Variants in MAP4 observed in about 807,000 individuals in gnomAD.
MAP4 encodes the protein microtubule associated protein 4.
In MAP4, 76 loss-of-function variants were observed where a neutral mutation model predicts 170.2. That is an observed-to-expected ratio of 0.45 (90% confidence interval 0.37 to 0.54). MAP4 has a LOEUF of 0.54. Among genes scored for constraint, MAP4 ranks in the 20% least tolerant of loss-of-function variants. The probability of loss-of-function intolerance (pLI) is 0.00; values close to 1 mark genes in which losing one functional copy is unlikely to be tolerated. For synonymous variants in MAP4, 909 were observed against 994.5 expected, an observed-to-expected ratio of 0.91 and a Z score of 1.62; for missense variants, 2,506 against 2,748.0, an observed-to-expected ratio of 0.91 and a Z score of 1.97.
chr3:47,923,894 T>C (rs1321551721), intron 4 of MAP4, among the ~76,000 whole-genome samples: 1 of 152,050 alleles, frequency 6.6e-6, no homozygotes, highest in Non-Finnish European at 1.5e-5. Flanking sequence ...ATGATAAACA[T>C]TCATTCTTCC....
intron 1 of MAP4, among the ~76,000 whole-genome samples, chr3:48,049,062 A>C (rs557698195): frequency 1.3e-5 from 2 of 152,132 alleles, no homozygotes; most frequent in Non-Finnish European, 2.9e-5. Context: ...TAAGCACATT[A>C]CCCTTGTAGT....
At chr3:47,994,859 G>C (rs952778845) in intron 2 of MAP4, among the ~76,000 whole-genome samples, 6 of 152,044 alleles carry the variant, frequency 3.9e-5, no homozygotes, top group Non-Finnish European at 7.4e-5. Flanking sequence ...TGAGGCAGGA[G>C]GATCGCTTGA....
chr3:47,857,323 T>A (rs998010745), intron 18 of MAP4, 108 bp downstream of exon 18: 9 of 836,744 alleles, frequency 1.1e-5, no homozygotes, highest in Admixed American at 9.9e-5. Context: ...CTTCATGGGA[T>A]GCTAAAGGCA....
intron 10 of MAP4, among the ~76,000 whole-genome samples, chr3:47,884,019 A>C (rs1016433635): frequency 6.6e-6 from 1 of 152,116 alleles, no homozygotes; most frequent in Non-Finnish European, 1.5e-5. Context: ...TTGAATCTGT[A>C]AGTTTTGTCT....
chr3:48,028,099 C>A (rs571119700), intron 1 of MAP4, among the ~76,000 whole-genome samples: 4 of 152,186 alleles, frequency 2.6e-5, no homozygotes, highest in African/African-American at 9.6e-5. Context: ...TGAGATCAGC[C>A]TGGCCAACAT....
chr3:48,065,107 G>A (rs2100137727), intron 1 of MAP4, among the ~76,000 whole-genome samples: 2 of 152,064 alleles, frequency 1.3e-5, no homozygotes, highest in Non-Finnish European at 2.9e-5. Flanking sequence ...TCCAACTTGG[G>A]TAACAAAGCA....
chr3:47,955,435 TACACAC>T (rs3079351), intron 3 of MAP4, among the ~76,000 whole-genome samples: 25,331 of 135,282 alleles, frequency 0.19, 2,433 homozygotes, highest in Non-Finnish European at 0.24. Context: ...AATAAGCACG[TACACAC>T]ACACACACAC....
intron 2 of MAP4, among the ~76,000 whole-genome samples, chr3:47,995,171 T>C (rs1367337921): frequency 3.9e-5 from 6 of 152,000 alleles, no homozygotes; most frequent in Non-Finnish European, 1.5e-5. Context: ...AAAAATAAAA[T>C]ATGAACTTTA....
intron 6 of MAP4, among the ~76,000 whole-genome samples, chr3:47,918,221 T>A (rs547617230): frequency 2.6e-5 from 4 of 152,188 alleles, no homozygotes; most frequent in Non-Finnish European, 4.4e-5. Flanking sequence ...TGACCTCAGG[T>A]GATCTGCCCG....
Position 48,033,133 on chromosome 3 carries a change from A to G in MAP4, c.-19-34254T>C, listed in dbSNP as rs77705266. ...AAAGTCATCCCTGAGTTCTCAACTA[A>G]AAGTAGAATTTCTTTTCTGTCCTAT... On this transcript the variant is annotated intron_variant, in intron 1 of 18. Transcript: ENST00000360240. Among the ~76,000 whole-genome samples the G allele has an allele frequency of 2.4e-4, 36 of 152,356 alleles. No individual in the cohort carries two copies. The East Asian group carries it at 6.5e-3, about 28-fold the overall frequency.
At chr3:47,883,417 G>A (rs557150196) in intron 10 of MAP4, among the ~76,000 whole-genome samples, 1 of 152,146 alleles carries the variant, frequency 6.6e-6, no homozygotes, top group African/African-American at 2.4e-5. Context: ...AGAGACGGGG[G>A]TTTCTCCATG....
chr3:47,952,281 G>A (rs1254074187), intron 3 of MAP4, among the ~76,000 whole-genome samples: 12 of 149,334 alleles, frequency 8.0e-5, no homozygotes, highest in African/African-American at 2.5e-4. Context: ...CCCCCCGCCC[G>A]GCCAGCCGCC....
chr3:48,056,991 G>C (rs1289504003), intron 1 of MAP4, among the ~76,000 whole-genome samples: 2 of 126,242 alleles, frequency 1.6e-5, no homozygotes, highest in African/African-American at 3.0e-5. Flanking sequence ...GGTGGGGGGG[G>C]TCAGCCCCCC....
chr3:48,032,088 T>C (rs1385537502), intron 1 of MAP4, among the ~76,000 whole-genome samples: 1 of 151,936 alleles, frequency 6.6e-6, no homozygotes, highest in Non-Finnish European at 1.5e-5. Context: ...CCAGTACTCC[T>C]CAAAACTGTC....
intron 1 of MAP4, among the ~76,000 whole-genome samples, chr3:48,012,553 C>A (rs1559791383): frequency 6.6e-6 from 1 of 152,168 alleles, no homozygotes; most frequent in Non-Finnish European, 1.5e-5. Flanking sequence ...AAAATACAGT[C>A]AAAAACACCA....
intron 1 of MAP4, among the ~76,000 whole-genome samples, chr3:48,011,575 A>G (rs576937956): frequency 2.0e-5 from 3 of 151,796 alleles, no homozygotes; most frequent in South Asian, 2.1e-4. Flanking sequence ...AAAAGTTCCT[A>G]TAGTAGTAGT....
Position 47,861,607 on chromosome 3 carries a change from T to C in MAP4, c.6502-4095A>G, listed in dbSNP as rs188022258. Among the ~76,000 whole-genome samples the C allele has an allele frequency of 3.5e-3, 529 of 151,490 alleles. 4 individuals carry two copies. The highest frequency in any genetic ancestry group is 0.012 in the African/African-American group (495 of 41,344). The stretch of plus-strand genomic sequence containing the variant: ...ACCTTGTGACCCACCTGCCTCAGCC[T>C]CCCAAAGTGCTGGGATTACAGGTGT... On this transcript the variant is annotated intron_variant, in intron 17 of 20. Transcript: ENST00000683076.
At chr3:47,923,809 C>T (rs1437062814) in intron 4 of MAP4, among the ~76,000 whole-genome samples, 2 of 151,682 alleles carry the variant, frequency 1.3e-5, no homozygotes, top group Non-Finnish European at 2.9e-5. Flanking sequence ...AAAGTGAAAC[C>T]CCATCTCAAA....
At chr3:47,938,897 G>A (rs1366003174) in intron 3 of MAP4, among the ~76,000 whole-genome samples, 3 of 152,152 alleles carry the variant, frequency 2.0e-5, no homozygotes, top group African/African-American at 7.2e-5. Flanking sequence ...ATGTGTTTAG[G>A]GCTTCAACAA....
Sources: gnomAD v4.1 joint callset for allele counts (sites outside exome capture counted in the v4.1 genomes callset) on GRCh38, gnomAD v4.1.1 for gene constraint, MANE v1.5 for transcripts, NCBI Gene and HGNC (gene_info 2026-07-23, HGNC 2026-07-21) for gene names.